The following NEGR1 variants were observed in gnomAD, a reference collection of about 807,000 sequenced individuals.
The protein encoded by NEGR1 is IgLON family member 4.
NEGR1 carries 10 observed loss-of-function variants against 40.9 expected under a neutral mutation model. That is an observed-to-expected ratio of 0.24 (90% confidence interval 0.15 to 0.42). The LOEUF (loss-of-function observed/expected upper bound fraction) is 0.42, where lower values mean the gene tolerates loss of function less well. Ranked by LOEUF, NEGR1 falls within the 10% of genes least tolerant of loss-of-function variation. The pLI is 1.00. For synonymous variants in NEGR1, 185 were observed against 166.8 expected (o/e 1.11, Z -0.84); for missense variants, 352 against 438.9 (o/e 0.80, Z 1.77).
At chr1:71,832,481 AG>A (rs1299414540) in intron 2 of NEGR1, among the ~76,000 whole-genome samples, 1 of 152,022 alleles carries the variant, frequency 6.6e-6, no homozygotes. Flanking sequence ...AGGCCCATAG[AG>A]TGAGGGTCAG....
At chr1:71,635,830 T>C (rs770385079) in intron 4 of NEGR1, among the ~76,000 whole-genome samples, 6 of 151,990 alleles carry the variant, frequency 3.9e-5, no homozygotes, top group Non-Finnish European at 2.9e-5. Context: ...ATGGGTGGGA[T>C]GAGATTTTGA....
intron 3 of NEGR1, among the ~76,000 whole-genome samples, chr1:71,769,997 G>A (rs1656259098): frequency 6.6e-6 from 1 of 152,160 alleles, no homozygotes; most frequent in Non-Finnish European, 1.5e-5. Context: ...ATAAGAGGAA[G>A]ATCTGGATCT....
chr1:71,618,559 C>A (rs12058260), intron 4 of NEGR1, among the ~76,000 whole-genome samples: 4,188 of 152,162 alleles, frequency 0.028, 198 homozygotes, highest in African/African-American at 0.097. Flanking sequence ...TCTCCCATCA[C>A]CCCCAGATGA....
chr1:72,055,009 C>T (rs1227369505), intron 1 of NEGR1, among the ~76,000 whole-genome samples: 2 of 151,040 alleles, frequency 1.3e-5, no homozygotes, highest in African/African-American at 2.4e-5. Context: ...ACTTATAGCA[C>T]GTCTCATCTT....
intron 1 of NEGR1, among the ~76,000 whole-genome samples, chr1:71,943,208 T>C (rs1299226969): frequency 1.3e-5 from 2 of 148,608 alleles, no homozygotes; most frequent in East Asian, 4.0e-4. Context: ...CATATATGTA[T>C]AGTTAAGTTT....
intron 1 of NEGR1, among the ~76,000 whole-genome samples, chr1:72,079,403 G>C (rs779961677): frequency 7.9e-5 from 12 of 151,882 alleles, no homozygotes; most frequent in Non-Finnish European, 1.6e-4. Flanking sequence ...GTTATCAAAA[G>C]TCCATAGGAA....
chr1:71,462,950 G>A (rs964287271), intron 6 of NEGR1, among the ~76,000 whole-genome samples: 2 of 152,134 alleles, frequency 1.3e-5, no homozygotes, highest in East Asian at 1.9e-4. Context: ...ATCGGATGAA[G>A]CTAGCTGTGG....
chr1:72,160,019 A>C (rs1256552566), intron 1 of NEGR1, among the ~76,000 whole-genome samples: 1 of 152,120 alleles, frequency 6.6e-6, no homozygotes, highest in Non-Finnish European at 1.5e-5. Context: ...ATTTTTGAAA[A>C]TGTGTCTGCA....
At chr1:71,633,105 A>G (rs574324530) in intron 4 of NEGR1, among the ~76,000 whole-genome samples, 1 of 152,152 alleles carries the variant, frequency 6.6e-6, no homozygotes, top group African/African-American at 2.4e-5. Flanking sequence ...GCCAAATTAT[A>G]TTTTGTTTGT....
intron 1 of NEGR1, among the ~76,000 whole-genome samples, chr1:72,047,681 G>A (rs1041710920): frequency 1.3e-5 from 2 of 151,158 alleles, no homozygotes; most frequent in Non-Finnish European, 3.0e-5. Flanking sequence ...CCTATTATAA[G>A]TAATCACTCT....
intron 3 of NEGR1, among the ~76,000 whole-genome samples, chr1:71,775,462 C>T (rs1337291862): frequency 1.3e-5 from 2 of 151,518 alleles, no homozygotes; most frequent in African/African-American, 4.8e-5. Context: ...TCTCCTGCCT[C>T]AGCCTCCCGA....
chr1:71,454,140 C>A (rs897420626), intron 6 of NEGR1, among the ~76,000 whole-genome samples: 2 of 152,060 alleles, frequency 1.3e-5, no homozygotes, highest in African/African-American at 4.8e-5. Context: ...TATTCTCCAC[C>A]CACCTTAACA....
chr1:71,968,255 G>A (rs1206787819), intron 1 of NEGR1, among the ~76,000 whole-genome samples: 1 of 152,112 alleles, frequency 6.6e-6, no homozygotes, highest in African/African-American at 2.4e-5. Flanking sequence ...CAACCAGCAA[G>A]ACACAGTACC....
chr1:71,479,747 C>T (rs968519108), intron 6 of NEGR1, among the ~76,000 whole-genome samples: 2 of 151,946 alleles, frequency 1.3e-5, no homozygotes, highest in African/African-American at 4.8e-5. Context: ...TTTGTATTCT[C>T]TCATTCATGA....
intron 2 of NEGR1, among the ~76,000 whole-genome samples, chr1:71,910,446 C>T (rs1216445003): frequency 6.6e-6 from 1 of 152,160 alleles, no homozygotes; most frequent in Non-Finnish European, 1.5e-5. Context: ...AGCAAACTAA[C>T]CCTGATTGAT....
intron 4 of NEGR1, among the ~76,000 whole-genome samples, chr1:71,653,991 T>C (rs1434229041): frequency 2.6e-5 from 4 of 152,168 alleles, no homozygotes; most frequent in African/African-American, 7.2e-5. Context: ...TATATAAATA[T>C]GGCTGTGTAT....
At chr1:72,187,946 C>T (rs1325481995) in intron 1 of NEGR1, among the ~76,000 whole-genome samples, 1 of 151,404 alleles carries the variant, frequency 6.6e-6, no homozygotes, top group African/African-American at 2.4e-5. Flanking sequence ...ATGTATGATT[C>T]ATGTAATGAT....
intron 1 of NEGR1, among the ~76,000 whole-genome samples, chr1:72,042,154 A>C (rs940872175): frequency 6.6e-6 from 1 of 151,590 alleles, no homozygotes; most frequent in Non-Finnish European, 1.5e-5. Flanking sequence ...AAGAAAGAAG[A>C]GAGATGGTAT....
chr1:71,915,941 A>G (rs967827263), intron 2 of NEGR1, among the ~76,000 whole-genome samples: 7 of 152,222 alleles, frequency 4.6e-5, no homozygotes, highest in Admixed American at 1.3e-4. Context: ...AGATGTTCAG[A>G]GAAGAAATGA....
Sources: gnomAD v4.1 joint callset for allele counts (sites outside exome capture counted in the v4.1 genomes callset) on GRCh38, gnomAD v4.1.1 for gene constraint, MANE v1.5 for transcripts, NCBI Gene and HGNC (gene_info 2026-07-23, HGNC 2026-07-21) for gene names.